Variants in PLCB4 observed in about 807,000 individuals in gnomAD.
PLCB4 encodes 1-phosphatidylinositol 4,5-bisphosphate phosphodiesterase beta-4.
Under a neutral mutation model 178.8 loss-of-function variants are expected in PLCB4, and 77 were observed. That is an observed-to-expected ratio of 0.43 (90% CI 0.36 to 0.52). The LOEUF is 0.52. Among genes scored for constraint, PLCB4 ranks in the 20% least tolerant of loss-of-function variants. The pLI is 0.00. For missense variants in PLCB4, 1,024 were observed against 1,453.4 expected, an observed-to-expected ratio of 0.70 and a Z score of 4.80; for synonymous variants, 496 against 490.8, an observed-to-expected ratio of 1.01 and a Z score of -0.14.
chr20:9,182,798 G>A (rs1441786086), intron 2 of PLCB4, among the ~76,000 whole-genome samples: 1 of 152,082 alleles, frequency 6.6e-6, no homozygotes, highest in Non-Finnish European at 1.5e-5. Flanking sequence ...CTTCTCAGCT[G>A]TCTCAGCCAT....
chr20:9,079,065 C>T (rs533585049), intron 1 of PLCB4, among the ~76,000 whole-genome samples: 1 of 152,228 alleles, frequency 6.6e-6, no homozygotes, highest in East Asian at 1.9e-4. Context: ...GTCATATTTC[C>T]TTGGCATTGA....
At chr20:9,398,482 G>T (rs2148452231) in intron 19 of PLCB4, among the ~76,000 whole-genome samples, 1 of 152,240 alleles carries the variant, frequency 6.6e-6, no homozygotes, top group Admixed American at 6.5e-5. Context: ...AGTAAAACCA[G>T]TTCCTTTAAG....
intron 4 of PLCB4, among the ~76,000 whole-genome samples, chr20:9,333,349 C>A (rs2148035627): frequency 6.6e-6 from 1 of 152,096 alleles, no homozygotes; most frequent in East Asian, 1.9e-4. Context: ...ATAATGAAGA[C>A]AAGGTCTGTA....
At chr20:9,090,040 G>T (rs147199580) in intron 1 of PLCB4, among the ~76,000 whole-genome samples, 1 of 152,110 alleles carries the variant, frequency 6.6e-6, no homozygotes, top group South Asian at 2.1e-4. Context: ...GAAGTTGTAC[G>T]CAGAGTTCTT....
chr20:9,224,576 C>G (rs1045345645), intron 3 of PLCB4, among the ~76,000 whole-genome samples: 1 of 152,208 alleles, frequency 6.6e-6, no homozygotes, highest in Non-Finnish European at 1.5e-5. Context: ...ACTGGTCTTA[C>G]TGAAAAGACT....
chr20:9,380,072 T>C lies in PLCB4; in HGVS notation c.763T>C (p.Leu255=), dbSNP rs774543746. The change falls in exon 13 of 40, where the codon TTG becomes CTG. Residue 255 remains leucine, a synonymous_variant. Coordinates refer to ENST00000378473, the MANE Select transcript of PLCB4 (RefSeq NM_001377142.1). ...FLNEHQRDPR[L]NEILFPFYDA... ...ATCATAGCATCAACGAGATCCTCGA[T>C]TGAATGAAATTTTATTTCCATTTTA... The C allele has an allele frequency of 4.4e-6, 7 of 1,586,656 alleles. No individual in the cohort carries two copies. The highest frequency in any genetic ancestry group is 1.1e-5 in the South Asian group (1 of 88,172).
intron 3 of PLCB4, among the ~76,000 whole-genome samples, chr20:9,224,479 C>T (rs2093839276): frequency 6.6e-6 from 1 of 152,182 alleles, no homozygotes; most frequent in Admixed American, 6.5e-5. Flanking sequence ...CAGCTGTTCT[C>T]CTCTCATTTT....
intron 25 of PLCB4, among the ~76,000 whole-genome samples, chr20:9,412,428 T>C (rs533901368): frequency 6.6e-6 from 1 of 152,042 alleles, no homozygotes; most frequent in East Asian, 1.9e-4. Context: ...ACCCAGAGCC[T>C]CTCTTCTCTG....
chr20:9,409,507 G>A (rs1228014067), intron 24 of PLCB4, among the ~76,000 whole-genome samples: 1 of 151,948 alleles, frequency 6.6e-6, no homozygotes, highest in East Asian at 1.9e-4. Context: ...GTTTCCAGAG[G>A]CAGAATTAAG....
chr20:9,103,625 A>G (rs987691914), intron 2 of PLCB4, among the ~76,000 whole-genome samples: 1 of 152,212 alleles, frequency 6.6e-6, no homozygotes, highest in Non-Finnish European at 1.5e-5. Flanking sequence ...TTGACCTTTC[A>G]GAACCCTGAA....
intron 4 of PLCB4, among the ~76,000 whole-genome samples, chr20:9,326,692 G>A (rs144909369): frequency 9.7e-4 from 147 of 152,174 alleles, no homozygotes; most frequent in Middle Eastern, 3.4e-3. Flanking sequence ...GTGATGGCTC[G>A]TCTGTGGCAG....
chr20:9,074,773 A>ATCTGTC (rs1190126164), intron 1 of PLCB4, among the ~76,000 whole-genome samples: 2 of 148,018 alleles, frequency 1.4e-5, no homozygotes. Context: ...TCCCCAGGGT[A>ATCTGTC]TCTGTCTCCC....
rs182016369 is a variant in PLCB4, at chr20:9,091,265, A to G, written c.-134-5022A>G. 6.5e-3 allele frequency among the ~76,000 whole-genome samples: 993 copies of G among 152,122 alleles called. 24 individuals carry two copies. The highest frequency in any genetic ancestry group is 3.7e-3 in the Non-Finnish European group (254 of 68,002). ...GTATGTAGAGCCTTTATAAGTCTCG[A>G]CAACTGTAAAATGAGCTAGAGAAAG... is the stretch of plus-strand genomic sequence containing the variant. On this transcript the variant is annotated intron_variant, in intron 1 of 39. Coordinates refer to ENST00000378473, the MANE Select transcript of PLCB4 (RefSeq NM_001377142.1).
chr20:9,434,639 G>T (rs2041648708), intron 28 of PLCB4, among the ~76,000 whole-genome samples: 1 of 152,102 alleles, frequency 6.6e-6, no homozygotes, highest in Admixed American at 6.5e-5. Flanking sequence ...TGTTCCCAAA[G>T]TACTGGGATT....
chr20:9,452,514 G>C (rs1441382711), intron 32 of PLCB4, among the ~76,000 whole-genome samples: 1 of 152,138 alleles, frequency 6.6e-6, no homozygotes, highest in Non-Finnish European at 1.5e-5. Flanking sequence ...ATTTCTGATT[G>C]TACTGATTTC....
intron 4 of PLCB4, among the ~76,000 whole-genome samples, chr20:9,316,045 G>A (rs2094895606): frequency 6.6e-6 from 1 of 152,104 alleles, no homozygotes; most frequent in African/African-American, 2.4e-5. Context: ...CATAGTCTTG[G>A]CATGTCGAAA....
chr20:9,123,416 TC>T lies in PLCB4; in HGVS notation c.-79+27076del, dbSNP rs1317449723. 4.3e-4 allele frequency among the ~76,000 whole-genome samples: 29 copies of T among 66,848 alleles called. No individual in the cohort carries two copies. In the East Asian group the frequency reaches 0.01, roughly 23 times the overall value. The allele number at this position is 66,848 out of a possible 152,430, so 43.9% of individuals were successfully genotyped here. ...CTCTTTTAAGAAACTCCTGGAAATC[TC>T]CTCTTTTTTTTTTTTTATATATATT... On this transcript the variant is annotated intron_variant, in intron 2 of 39. Coordinates refer to ENST00000378473, the MANE Select transcript of PLCB4 (RefSeq NM_001377142.1).
intron 4 of PLCB4, among the ~76,000 whole-genome samples, chr20:9,332,731 A>T (rs1377640941): frequency 1.3e-5 from 2 of 152,150 alleles, no homozygotes; most frequent in African/African-American, 2.4e-5. Context: ...GCCCAGAGCC[A>T]AGTTGCTATC....
At chr20:9,072,855 C>T (rs530085584) in intron 1 of PLCB4, among the ~76,000 whole-genome samples, 2 of 152,316 alleles carry the variant, frequency 1.3e-5, no homozygotes, top group East Asian at 3.9e-4. Context: ...GCATGCACTT[C>T]GTCTACTTTT....
Sources: gnomAD v4.1 joint callset for allele counts (sites outside exome capture counted in the v4.1 genomes callset) on GRCh38, gnomAD v4.1.1 for gene constraint, MANE v1.5 for transcripts, NCBI Gene and HGNC (gene_info 2026-07-23, HGNC 2026-07-21) for gene names.